Variants in DLC1 observed in about 807,000 individuals in gnomAD.
DLC1 encodes rho GTPase-activating protein 7.
Under a neutral mutation model 140.3 loss-of-function variants are expected in DLC1, and 54 were observed. The observed-to-expected ratio is 0.38, with a 90% CI of 0.31 to 0.48. The LOEUF is 0.48. Ranked by LOEUF, DLC1 falls within the 20% of genes least tolerant of loss-of-function variation. The pLI, the probability that DLC1 is intolerant of heterozygous loss-of-function variation, is 0.96. For missense variants in DLC1, 2,536 were observed against 1,907.0 expected (o/e 1.33, Z -6.14); for synonymous variants, 986 against 728.1 (o/e 1.35, Z -5.70).
chr8:13,395,681 C>G (rs1276288690), intron 3 of DLC1, among the ~76,000 whole-genome samples: 1 of 152,098 alleles, frequency 6.6e-6, no homozygotes, highest in Non-Finnish European at 1.5e-5. Context: ...ACTAAATTTT[C>G]TCCAGTTGGA....
chr8:13,484,464 G>T (rs1800875647), intron 2 of DLC1, among the ~76,000 whole-genome samples: 3 of 152,070 alleles, frequency 2.0e-5, no homozygotes, highest in Admixed American at 2.0e-4. Flanking sequence ...AATAAGTCTT[G>T]TATGCCTGGA....
At chr8:13,583,197 G>A (rs996368579) in intron 1 of DLC1, among the ~76,000 whole-genome samples, 2 of 152,080 alleles carry the variant, frequency 1.3e-5, no homozygotes, top group African/African-American at 2.4e-5. Context: ...ATGAGATGCT[G>A]TTTGATAGCA....
At chr8:13,210,126 G>C (rs1416049204) in intron 5 of DLC1, among the ~76,000 whole-genome samples, 1 of 152,098 alleles carries the variant, frequency 6.6e-6, no homozygotes, top group East Asian at 1.9e-4. Flanking sequence ...ACTGGAGCAA[G>C]GATAGAAAAA....
At chr8:13,114,337 G>T (rs1204422010) in intron 6 of DLC1, among the ~76,000 whole-genome samples, 4 of 152,242 alleles carry the variant, frequency 2.6e-5, no homozygotes, top group African/African-American at 9.6e-5. Context: ...ACTCCAGCCA[G>T]GGCGACAGAG....
chr8:13,525,817 T>G (rs1031612325), intron 1 of DLC1, among the ~76,000 whole-genome samples: 3 of 152,166 alleles, frequency 2.0e-5, no homozygotes, highest in African/African-American at 7.2e-5. Flanking sequence ...AATTTTTAAT[T>G]TTGATAAATG....
chr8:13,244,904 G>C (rs535460448), intron 5 of DLC1, among the ~76,000 whole-genome samples: 1 of 152,164 alleles, frequency 6.6e-6, no homozygotes, highest in Admixed American at 6.5e-5. Flanking sequence ...GAAGGAAGAC[G>C]GTTGCTTATA....
intron 4 of DLC1, among the ~76,000 whole-genome samples, chr8:13,371,123 T>C (rs774040214): frequency 6.6e-5 from 10 of 152,346 alleles, no homozygotes; most frequent in Admixed American, 5.9e-4. Context: ...GCTCAATCTT[T>C]CTGTGGTCTT....
chr8:13,182,368 T>C (rs921675192), intron 5 of DLC1, among the ~76,000 whole-genome samples: 1 of 152,216 alleles, frequency 6.6e-6, no homozygotes, highest in African/African-American at 2.4e-5. Context: ...CCTTTGCTTT[T>C]GGTATTTTAG....
chr8:13,346,785 T>C (rs1485425118), intron 4 of DLC1, among the ~76,000 whole-genome samples: 2 of 152,206 alleles, frequency 1.3e-5, no homozygotes, highest in East Asian at 1.9e-4. Flanking sequence ...CTTTTCCCAC[T>C]GTAGCAGATA....
intron 5 of DLC1, among the ~76,000 whole-genome samples, chr8:13,294,414 C>G (rs1197446136): frequency 6.6e-6 from 1 of 152,244 alleles, no homozygotes; most frequent in Middle Eastern, 3.4e-3. Context: ...CCAGTTCAGA[C>G]TTGATGTGCT....
chr8:13,582,695 TA>T (rs1229923953), intron 1 of DLC1, among the ~76,000 whole-genome samples: 6 of 151,584 alleles, frequency 4.0e-5, no homozygotes, highest in African/African-American at 7.3e-5. Flanking sequence ...CATATATATA[TA>T]TATTTTTTCC....
chr8:13,085,223 G>C lies in DLC1; in HGVS notation c.*588C>G, dbSNP rs1817457116. The C allele has an allele frequency of 6.6e-6, 1 of 152,564 alleles. No homozygotes were observed. Among genetic ancestry groups the C allele is most frequent in the Admixed American group, 6.5e-5 (1 of 15,278 alleles). 9.5% of individuals were successfully genotyped at this position (152,564 alleles called of 1,614,324 possible). On this transcript the variant is annotated 3_prime_UTR_variant, in exon 18 of 18. Transcript: ENST00000276297. The stretch of plus-strand genomic sequence containing the variant: ...GGGCCCCCTTTCTGGGTGGATTCAG[G>C]GGTAGTCAGATATTCCAGGTTAAAC...
chr8:13,177,099 A>G (rs1250476507), intron 5 of DLC1, among the ~76,000 whole-genome samples: 1 of 152,148 alleles, frequency 6.6e-6, no homozygotes, highest in Non-Finnish European at 1.5e-5. Flanking sequence ...CTCTCCCATA[A>G]TTTTTAAAAT....
chr8:13,364,678 A>G (rs1035337788), intron 4 of DLC1, among the ~76,000 whole-genome samples: 1 of 152,194 alleles, frequency 6.6e-6, no homozygotes, highest in Non-Finnish European at 1.5e-5. Context: ...ATAAGCTTAC[A>G]TGGATTCCCT....
chr8:13,544,156 C>T (rs760815773), intron 1 of DLC1, among the ~76,000 whole-genome samples: 1 of 150,820 alleles, frequency 6.6e-6, no homozygotes, highest in Non-Finnish European at 1.5e-5. Flanking sequence ...TAATTTTTCT[C>T]TCTCTCTCCT....
At chr8:13,360,185 G>T (rs564140418) in intron 4 of DLC1, among the ~76,000 whole-genome samples, 1 of 152,054 alleles carries the variant, frequency 6.6e-6, no homozygotes, top group Admixed American at 6.6e-5. Context: ...GATAATACCT[G>T]CCTGGTTGTA....
intron 4 of DLC1, among the ~76,000 whole-genome samples, chr8:13,331,669 C>G (rs1166470153): frequency 1.3e-5 from 2 of 151,100 alleles, no homozygotes; most frequent in African/African-American, 4.9e-5. Context: ...TAACCCAAAA[C>G]CAAAAAATAA....
rs563800593 is a variant in DLC1, at chr8:13,106,408, T to C, written c.1503-3555A>G. On this transcript the variant is annotated intron_variant, in intron 7 of 17. Coordinates refer to ENST00000276297, the MANE Select transcript of DLC1 (RefSeq NM_182643.3). ...GGTCACTCAGGTTGGAATGCAATGGTGCTATCATGGCACATTGGAGCCTGG... is the reference window on the plus strand; with the variant it reads ...GGTCACTCAGGTTGGAATGCAATGGCGCTATCATGGCACATTGGAGCCTGG... Among the ~76,000 whole-genome samples, 20 of 152,346 alleles carry C rather than the reference T, an allele frequency of 1.3e-4. 1 individual carries two copies. In the Middle Eastern group the frequency reaches 0.027, roughly 207 times the overall value.
intron 5 of DLC1, among the ~76,000 whole-genome samples, chr8:13,275,308 C>G (rs905950610): frequency 1.3e-5 from 2 of 152,162 alleles, no homozygotes; most frequent in African/African-American, 4.8e-5. Flanking sequence ...ATCAAAAGAC[C>G]TTTTATTAAG....
Sources: gnomAD v4.1 joint callset for allele counts (sites outside exome capture counted in the v4.1 genomes callset) on GRCh38, gnomAD v4.1.1 for gene constraint, MANE v1.5 for transcripts, NCBI Gene and HGNC (gene_info 2026-07-23, HGNC 2026-07-21) for gene names.